Variants in MAGI2 observed in about 807,000 individuals in gnomAD.
MAGI2 encodes the protein membrane associated guanylate kinase, WW and PDZ domain containing 2.
In MAGI2, 35 loss-of-function variants were observed where a neutral mutation model predicts 133.3. The observed-to-expected ratio is 0.26, with a 90% CI of 0.20 to 0.35. The LOEUF (loss-of-function observed/expected upper bound fraction) is 0.35. Among genes scored for constraint, MAGI2 ranks in the 10% least tolerant of loss-of-function variants. The pLI, the probability that MAGI2 is intolerant of heterozygous loss-of-function variation, is 1.00. For missense variants in MAGI2, 1,636 were observed against 1,863.4 expected (o/e 0.88, Z 2.25); for synonymous variants, 729 against 710.6 (o/e 1.03, Z -0.41).
intron 2 of MAGI2, among the ~76,000 whole-genome samples, chr7:78,671,046 T>C (rs778233381): frequency 6.6e-6 from 1 of 152,150 alleles, no homozygotes; most frequent in Non-Finnish European, 1.5e-5. Context: ...TTCCACATAG[T>C]GGCCATTGCG....
At chr7:78,199,829 C>T (rs1829073651) in intron 11 of MAGI2, among the ~76,000 whole-genome samples, 1 of 152,138 alleles carries the variant, frequency 6.6e-6, no homozygotes, top group Admixed American at 6.5e-5. Context: ...ATAATGACAG[C>T]AAATGCTGCA....
At chr7:79,087,984 T>C (rs900818173) in intron 1 of MAGI2, among the ~76,000 whole-genome samples, 1 of 152,126 alleles carries the variant, frequency 6.6e-6, no homozygotes, top group Admixed American at 6.6e-5. Context: ...TGCAGCCTTA[T>C]TGGTTCCATA....
Position 78,127,299 on chromosome 7 carries a change from C to T in MAGI2, c.3321G>A (p.Gln1107=). 6.2e-7 allele frequency: 1 copy of T among 1,607,878 alleles called. No individual in the cohort carries two copies. The highest frequency in any genetic ancestry group is 8.5e-7 in the Non-Finnish European group (1 of 1,175,820). The change falls in exon 19 of 22, where the codon CAG becomes CAA. Residue 1107 remains glutamine, a synonymous_variant. Transcript: ENST00000354212. ...DYRQPPGGDY[Q]QPPPLDYRQP... is the part of the protein sequence containing the mutation. ...GCCTGTAGTCCAAGGGTGGGGGCTGCTGGTAGTCCCCTCCTGGGGGTTGCC... is the reference window on the plus strand; with the variant it reads ...GCCTGTAGTCCAAGGGTGGGGGCTGTTGGTAGTCCCCTCCTGGGGGTTGCC...
chr7:78,842,504 C>G (rs1584112384), intron 2 of MAGI2, among the ~76,000 whole-genome samples: 1 of 151,882 alleles, frequency 6.6e-6, no homozygotes, highest in Non-Finnish European at 1.5e-5. Flanking sequence ...TAAAAATTAA[C>G]TTTTACATAT....
chr7:78,752,311 T>C (rs959922783), intron 2 of MAGI2, among the ~76,000 whole-genome samples: 1 of 152,178 alleles, frequency 6.6e-6, no homozygotes, highest in Non-Finnish European at 1.5e-5. Context: ...TGATTCATCA[T>C]GGTCACAGAG....
At chr7:78,109,574 G>A (rs576229717) in intron 20 of MAGI2, among the ~76,000 whole-genome samples, 1 of 152,120 alleles carries the variant, frequency 6.6e-6, no homozygotes, top group Non-Finnish European at 1.5e-5. Flanking sequence ...GGAGGTTGCA[G>A]TGAGCTGAGA....
At chr7:79,294,773 G>A (rs1047244547) in intron 1 of MAGI2, among the ~76,000 whole-genome samples, 1 of 115,112 alleles carries the variant, frequency 8.7e-6, no homozygotes, top group African/African-American at 3.2e-5. Flanking sequence ...TCTGTTACTC[G>A]GGCTGGAGTG....
intron 1 of MAGI2, among the ~76,000 whole-genome samples, chr7:79,216,628 A>C (rs1197777439): frequency 1.3e-5 from 2 of 151,934 alleles, no homozygotes; most frequent in African/African-American, 4.8e-5. Context: ...CCTCCCATAA[A>C]GGGTTTGAGC....
chr7:78,414,502 T>C (rs1400148428), intron 6 of MAGI2, among the ~76,000 whole-genome samples: 2 of 152,112 alleles, frequency 1.3e-5, no homozygotes, highest in East Asian at 3.9e-4. Context: ...TTCATATAAA[T>C]ATATATTATG....
intron 1 of MAGI2, among the ~76,000 whole-genome samples, chr7:79,309,222 C>G (rs1838057150): frequency 6.6e-6 from 1 of 151,870 alleles, no homozygotes; most frequent in Admixed American, 6.6e-5. Context: ...GATATAAACT[C>G]TGATTATCCC....
chr7:78,079,058 C>T lies in MAGI2; in HGVS notation c.3595G>A (p.Gly1199Arg). 6.2e-7 allele frequency: 1 copy of T among 1,613,456 alleles called. No individual in the cohort carries two copies. Among genetic ancestry groups the T allele is most frequent in the Non-Finnish European group, 8.5e-7 (1 of 1,179,862 alleles). The change falls in exon 21 of 22, where the codon GGG becomes AGG. Residue 1199 changes from glycine to arginine, a missense_variant. Physicochemically the swap from Gly to Arg is moderately radical, Grantham distance 125. Transcript: ENST00000354212. Reference protein sequence around the residue: ...RVGDQIIEINGESTRDMTHAR... With the variant: ...RVGDQIIEINRESTRDMTHAR... ...TGTGTCATGTCCCTTGTGCTTTCCC[C>T]ATTGATTTCAATGATTTGATCTCCT...
chr7:78,501,647 C>T lies in MAGI2; in HGVS notation c.895G>A (p.Glu299Lys). The part of the protein sequence containing the change: ...DTKPTKPEDN[E>K]EPDPLPDNWE... Reference sequence around the variant, plus strand: ...TTATCAGGCAATGGGTCTGGTTCCTCATTGTCTTCAGGTTTAGTTGGCTTT... The same window carrying T: ...TTATCAGGCAATGGGTCTGGTTCCTTATTGTCTTCAGGTTTAGTTGGCTTT... The change falls in exon 5 of 22, where the codon GAG (glutamate) becomes AAG (lysine). Residue 299 changes from glutamate (E) to lysine (K), a missense_variant. Coordinates refer to ENST00000354212, the MANE Select transcript of MAGI2 (RefSeq NM_012301.4). 6.2e-7 allele frequency: 1 copy of T among 1,614,180 alleles called. No individual in the cohort carries two copies. Among genetic ancestry groups the T allele is most frequent in the Non-Finnish European group, 8.5e-7 (1 of 1,180,040 alleles).
At chr7:79,371,218 A>G (rs553871566) in intron 1 of MAGI2, among the ~76,000 whole-genome samples, 1 of 152,246 alleles carries the variant, frequency 6.6e-6, no homozygotes, top group South Asian at 2.1e-4. Context: ...CTCCAAAATT[A>G]AAGTGTAAAA....
chr7:78,266,952 T>C (rs148478091), intron 9 of MAGI2, among the ~76,000 whole-genome samples: 1 of 152,330 alleles, frequency 6.6e-6, no homozygotes, highest in East Asian at 1.9e-4. Flanking sequence ...AAAAAGGTAC[T>C]GTTTGCTGCA....
At chr7:78,386,415 T>C (rs1795393764) in intron 6 of MAGI2, among the ~76,000 whole-genome samples, 1 of 152,128 alleles carries the variant, frequency 6.6e-6, no homozygotes, top group African/African-American at 2.4e-5. Flanking sequence ...TAAAGGGACC[T>C]GGAATCGAAA....
At chr7:78,980,499 T>C (rs2044446488) in intron 2 of MAGI2, among the ~76,000 whole-genome samples, 1 of 151,804 alleles carries the variant, frequency 6.6e-6, no homozygotes, top group Non-Finnish European at 1.5e-5. Context: ...TAGAGTCAAA[T>C]GAAGTGAGAA....
intron 1 of MAGI2, among the ~76,000 whole-genome samples, chr7:79,370,860 T>G (rs958290909): frequency 1.3e-5 from 2 of 152,074 alleles, no homozygotes; most frequent in African/African-American, 4.8e-5. Context: ...TATTCCTCTT[T>G]CACTTCTGAA....
intron 7 of MAGI2, among the ~76,000 whole-genome samples, chr7:78,346,622 C>T (rs749656454): frequency 3.3e-5 from 5 of 152,156 alleles, no homozygotes; most frequent in Non-Finnish European, 5.9e-5. Flanking sequence ...TCATATTCTA[C>T]ATGGTGAGAG....
At chr7:78,456,892 C>T (rs957067860) in intron 6 of MAGI2, 1 of 152,150 alleles carries the variant, frequency 6.6e-6, no homozygotes, top group Non-Finnish European at 1.5e-5. Flanking sequence ...TTTTAGTATT[C>T]TGAAGAAAGG....
Sources: allele counts gnomAD v4.1 joint callset (sites outside exome capture counted in the v4.1 genomes callset), GRCh38; gene constraint gnomAD v4.1.1; transcripts MANE v1.5; gene names NCBI Gene and HGNC (gene_info 2026-07-23, HGNC 2026-07-21).